FRYL: variants seen among roughly 807,000 people sequenced by gnomAD.
FRYL encodes protein furry homolog-like.
FRYL carries 150 observed loss-of-function variants against 351.2 expected under a neutral mutation model. The observed-to-expected ratio is 0.43, with a 90% confidence interval of 0.37 to 0.49. The LOEUF is 0.49. Among genes scored for constraint, FRYL ranks in the 20% least tolerant of loss-of-function variants. The probability of loss-of-function intolerance (pLI) is 0.00; values close to 1 mark genes in which losing one functional copy is unlikely to be tolerated. For synonymous variants in FRYL, 1,153 were observed against 1,257.1 expected (o/e 0.92, Z 1.75); for missense variants, 3,036 against 3,619.3 (o/e 0.84, Z 4.13).
rs187143665 is a variant in FRYL at position 48,738,267 on chromosome 4, C to T, written c.-383-27569G>A. Among the ~76,000 whole-genome samples the T allele has an allele frequency of 7.1e-3, 1,075 of 152,210 alleles. 7 individuals carry two copies. The highest frequency in any genetic ancestry group is 0.011 in the Non-Finnish European group (762 of 67,990). ...ACAATTATAACAAGGTTGCAGGATA[C>T]AATGTTAACATACAAAAGCCAACTA... On this transcript the variant is annotated intron_variant, in intron 1 of 63. Transcript: ENST00000358350.
At chr4:48,739,318 C>T (rs1259996686) in intron 1 of FRYL, among the ~76,000 whole-genome samples, 1 of 149,884 alleles carries the variant, frequency 6.7e-6, no homozygotes, top group Non-Finnish European at 1.5e-5. Context: ...GGAGAATTGC[C>T]TGAACCTGGG....
At chr4:48,546,350 CT>C in intron 41 of FRYL, 79 bp from the exon 42 acceptor site, 1 of 1,140,906 alleles carries the variant, frequency 8.8e-7, no homozygotes, top group Non-Finnish European at 1.3e-6. Context: ...ACTGTTGTTC[CT>C]TAGACTCTAT....
chr4:48,564,485 G>GT (rs1269835975), intron 30 of FRYL, among the ~76,000 whole-genome samples: 1 of 152,200 alleles, frequency 6.6e-6, no homozygotes, highest in South Asian at 2.1e-4. Flanking sequence ...GGGAAAAAAT[G>GT]TAAGTCCTAT....
rs1220711483 is a variant in FRYL at position 48,660,598 on chromosome 4, G to A, written c.-81+24075C>T. 2.0e-5 allele frequency among the ~76,000 whole-genome samples: 3 copies of A among 152,190 alleles called. No individual in the cohort carries two copies. The East Asian group carries it at 5.8e-4, about 29-fold the overall frequency. Reference sequence around the variant, plus strand: ...TTCCAGGGTTGGCACCATTTCACCTGTGGTGTGATAGTTCATTCCTAGGGA... The same window carrying A: ...TTCCAGGGTTGGCACCATTTCACCTATGGTGTGATAGTTCATTCCTAGGGA... On this transcript the variant is annotated intron_variant, in intron 3 of 63. Coordinates refer to ENST00000358350, the MANE Select transcript of FRYL (RefSeq NM_015030.2).
chr4:48,640,503 G>A (rs947571228), intron 3 of FRYL, among the ~76,000 whole-genome samples: 1 of 152,092 alleles, frequency 6.6e-6, no homozygotes, highest in Admixed American at 6.6e-5. Context: ...TTGGGAGAAG[G>A]GAGCAATGAA....
At position 48,579,102 on chromosome 4, in the gene FRYL, G is replaced by T; in HGVS notation, c.2399C>A (p.Pro800Gln). ...AAAACTGGAGAGACTTATAATCCAT[G>T]GGTCTTGGCCTTGGGTCACATGTGC... ...IFAHVTQGQDPWIISLSSFLK... is the reference protein window; with the variant it reads ...IFAHVTQGQDQWIISLSSFLK... The change falls in exon 23 of 64, where the codon CCA (proline) becomes CAA (glutamine). Residue 800 changes from proline to glutamine, a missense_variant. This residue lies in a region of FRYL where 492 missense variants were observed against 551.5 expected (regional missense o/e 0.89). Transcript: ENST00000358350. 6.2e-7 allele frequency: 1 copy of T among 1,614,038 alleles called. No homozygotes were observed. Among genetic ancestry groups the T allele is most frequent in the Non-Finnish European group, 8.5e-7 (1 of 1,179,938 alleles).
At chr4:48,760,629 A>G (rs565057752) in intron 1 of FRYL, among the ~76,000 whole-genome samples, 3 of 152,210 alleles carry the variant, frequency 2.0e-5, no homozygotes, top group Non-Finnish European at 4.4e-5. Flanking sequence ...GACCTTAGGG[A>G]AAATGTTGTC....
intron 23 of FRYL, among the ~76,000 whole-genome samples, chr4:48,576,519 T>C (rs1739647963): frequency 6.6e-6 from 1 of 152,094 alleles, no homozygotes; most frequent in East Asian, 1.9e-4. Context: ...TTGCCCAGGA[T>C]GGTCTCTAAC....
chr4:48,763,195 T>C (rs1774588952), intron 1 of FRYL, among the ~76,000 whole-genome samples: 1 of 150,586 alleles, frequency 6.6e-6, no homozygotes, highest in East Asian at 2.0e-4. Flanking sequence ...GCAAGGTGGC[T>C]CATGCCTCTA....
chr4:48,733,046 C>T (rs1770910925), intron 1 of FRYL, among the ~76,000 whole-genome samples: 1 of 151,662 alleles, frequency 6.6e-6, no homozygotes, highest in Admixed American at 6.6e-5. Flanking sequence ...GAGGCCAAGA[C>T]AGGTGGATCA....
At chr4:48,612,991 T>C (rs1560715491) in intron 7 of FRYL, among the ~76,000 whole-genome samples, 1 of 152,232 alleles carries the variant, frequency 6.6e-6, no homozygotes, top group Non-Finnish European at 1.5e-5. Context: ...AGAAACATAA[T>C]ACAGGCTTAG....
intron 11 of FRYL, 111 bp downstream of exon 11, chr4:48,605,630 T>A (rs1441750945): frequency 5.5e-6 from 4 of 724,406 alleles, no homozygotes; most frequent in Non-Finnish European, 4.8e-6. Flanking sequence ...AGCCTTCCCA[T>A]GGCCACAGCT....
chr4:48,714,946 T>C (rs1768584909), intron 1 of FRYL, among the ~76,000 whole-genome samples: 1 of 151,154 alleles, frequency 6.6e-6, no homozygotes, highest in African/African-American at 2.4e-5. Context: ...GCTTCATCCC[T>C]GGGATGCAAG....
chr4:48,510,669 G>A (rs1452026058), intron 58 of FRYL, among the ~76,000 whole-genome samples, 166 bp downstream of exon 58: 2 of 152,056 alleles, frequency 1.3e-5, no homozygotes, highest in Admixed American at 1.3e-4. Flanking sequence ...ATAGTCACAA[G>A]TTGCTGCACC....
At chr4:48,502,701 G>A in intron 61 of FRYL, 127 bp downstream of exon 61, 1 of 622,824 alleles carries the variant, frequency 1.6e-6, no homozygotes, top group Non-Finnish European at 2.8e-6. Context: ...TTGCAAAACT[G>A]AAGCACATAC....
chr4:48,504,488 A>G (rs1720466383), intron 60 of FRYL, among the ~76,000 whole-genome samples: 1 of 152,140 alleles, frequency 6.6e-6, no homozygotes, highest in African/African-American at 2.4e-5. Context: ...TGATGCAGTT[A>G]AACAGTGGCA....
At chr4:48,697,629 G>A (rs867827825) in intron 2 of FRYL, among the ~76,000 whole-genome samples, 58 of 152,118 alleles carry the variant, frequency 3.8e-4, no homozygotes, top group African/African-American at 1.2e-3. Context: ...ACAGGTGCAC[G>A]CCACCACACC....
At chr4:48,563,888 G>GA in intron 31 of FRYL, 60 bp downstream of exon 31, 1 of 1,562,202 alleles carries the variant, frequency 6.4e-7, no homozygotes. Context: ...GAATTCAAAA[G>GA]AAAAACTTTT....
intron 1 of FRYL, among the ~76,000 whole-genome samples, chr4:48,779,351 GGGCTGGCTCC>G (rs1776379624): frequency 1.3e-5 from 2 of 152,318 alleles, no homozygotes. Flanking sequence ...GGTGTCCGCA[GGGCTGGCTCC>G]GGCTCCGGAA....
Sources: allele counts gnomAD v4.1 joint callset (sites outside exome capture counted in the v4.1 genomes callset), GRCh38; gene constraint gnomAD v4.1.1; regional missense constraint gnomAD v4.1.1; transcripts MANE v1.5; gene names NCBI Gene and HGNC (gene_info 2026-07-23, HGNC 2026-07-21).